UACA: variants seen among roughly 807,000 people sequenced by gnomAD.
UACA encodes uveal autoantigen with coiled-coil domains and ankyrin repeats.
Under a neutral mutation model 160.5 loss-of-function variants are expected in UACA, and 112 were observed. The ratio of observed to expected loss-of-function variants is 0.70; its 90% CI spans 0.60 to 0.82. The LOEUF (loss-of-function observed/expected upper bound fraction) is 0.82. Ranked by LOEUF, UACA falls within the 40% of genes least tolerant of loss-of-function variation. The probability of loss-of-function intolerance (pLI) is 0.00; values close to 1 mark genes in which losing one functional copy is unlikely to be tolerated. For missense variants in UACA, 1,574 were observed against 1,614.6 expected (o/e 0.97, Z 0.43); for synonymous variants, 557 against 568.4 (o/e 0.98, Z 0.29).
chr15:70,701,837 C>G (rs1898374109), intron 1 of UACA: 2 of 1,572,644 alleles, frequency 1.3e-6, no homozygotes, highest in African/African-American at 2.7e-5. Flanking sequence ...GAAAGTCTAA[C>G]CAAGAATCTT....
chr15:70,695,185 T>A, intron 2 of UACA, 80 bp from the exon 3 acceptor site: 3 of 903,466 alleles, frequency 3.3e-6, no homozygotes, highest in Non-Finnish European at 5.0e-6. Flanking sequence ...TCACCCTTTT[T>A]CAACACACAC....
chr15:70,718,945 TTTAG>T (rs1318021424), intron 1 of UACA, among the ~76,000 whole-genome samples: 1 of 151,996 alleles, frequency 6.6e-6, no homozygotes, highest in Non-Finnish European at 1.5e-5. Flanking sequence ...AAAGCTGAAC[TTTAG>T]TTGTCATTAA....
intron 1 of UACA, among the ~76,000 whole-genome samples, chr15:70,754,423 T>C (rs2030292157): frequency 6.6e-6 from 1 of 152,336 alleles, no homozygotes; most frequent in South Asian, 2.1e-4. Flanking sequence ...TTGTGTTAGA[T>C]GATTTTGCCC....
upstream of UACA, chr15:70,768,003 T>C (rs2031056905): frequency 6.6e-6 from 1 of 152,236 alleles, no homozygotes; most frequent in Non-Finnish European, 1.5e-5. Flanking sequence ...ATAGGTCATC[T>C]TCGGCACTAA....
intron 17 of UACA, chr15:70,661,159 A>G (rs1454716358): frequency 1.3e-5 from 2 of 152,088 alleles, no homozygotes; most frequent in Admixed American, 1.3e-4. Flanking sequence ...CCTTTCACCT[A>G]CCAAAATAGC....
At chr15:70,727,113 T>G (rs988509002) in intron 1 of UACA, among the ~76,000 whole-genome samples, 12 of 152,194 alleles carry the variant, frequency 7.9e-5, no homozygotes, top group Non-Finnish European at 1.5e-5. Context: ...ATATGCAGCT[T>G]TTTCTTAAGG....
intron 1 of UACA, among the ~76,000 whole-genome samples, chr15:70,729,217 C>T (rs979079008): frequency 1.3e-5 from 2 of 152,142 alleles, no homozygotes; most frequent in African/African-American, 2.4e-5. Context: ...AATCATTCCA[C>T]CCAAAAGACA....
rs745886307 is a variant in UACA, at chr15:70,690,155, CCTCT to C, written c.424+295_424+298del. ...CGCACACACATTCTCTCTCTGTTTC[CCTCT>C]CTCTCTCTCTCTCACACACACACAC... On this transcript the variant is annotated intron_variant, in intron 5 of 18. Coordinates refer to ENST00000322954, the MANE Select transcript of UACA (RefSeq NM_018003.4). 7.3e-5 allele frequency among the ~76,000 whole-genome samples: 11 copies of C among 149,684 alleles called. No individual in the cohort carries two copies. The East Asian group carries it at 1.2e-3, about 16-fold the overall frequency.
intron 1 of UACA, among the ~76,000 whole-genome samples, chr15:70,746,593 G>C (rs1899714668): frequency 6.6e-6 from 1 of 152,140 alleles, no homozygotes; most frequent in South Asian, 2.1e-4. Context: ...CAAGGATCTA[G>C]AACTAGAAAT....
intron 14 of UACA, 97 bp from the exon 15 acceptor site, chr15:70,671,188 A>AAG: frequency 2.4e-6 from 2 of 839,294 alleles, no homozygotes; most frequent in Non-Finnish European, 3.8e-6. Context: ...ATTCAAATAA[A>AAG]AGAGAAGCAA....
chr15:70,745,615 A>G (rs1006735669), intron 1 of UACA, among the ~76,000 whole-genome samples: 3 of 152,168 alleles, frequency 2.0e-5, no homozygotes, highest in Non-Finnish European at 4.4e-5. Flanking sequence ...AAACTACTTT[A>G]AATTTCATAT....
At chr15:70,676,277 A>T in intron 13 of UACA, 1 of 392,258 alleles carries the variant, frequency 2.5e-6, no homozygotes, top group Non-Finnish European at 4.6e-6. Flanking sequence ...ATTACATGCT[A>T]GTCAATTTAA....
At chr15:70,657,473 T>C (rs373683756) in intron 18 of UACA, among the ~76,000 whole-genome samples, 1 of 151,986 alleles carries the variant, frequency 6.6e-6, no homozygotes, top group African/African-American at 2.4e-5. Context: ...TAGACGGGTG[T>C]AATCCCAGCT....
intron 1 of UACA, 56 bp downstream of exon 1, chr15:70,763,274 G>C (rs552390521): frequency 1.5e-6 from 2 of 1,296,984 alleles, no homozygotes; most frequent in East Asian, 6.3e-5. Context: ...GCCAGCAAAG[G>C]AGGGCTGCGC....
chr15:70,703,300 C>A (rs917382439), intron 1 of UACA: 3 of 1,279,994 alleles, frequency 2.3e-6, no homozygotes, highest in African/African-American at 3.1e-5. Context: ...CATTCCAACA[C>A]AAGTGTTTAC....
intron 12 of UACA, 108 bp downstream of exon 12, chr15:70,677,000 G>C: frequency 1.2e-6 from 1 of 834,366 alleles, no homozygotes; most frequent in Non-Finnish European, 1.9e-6. Flanking sequence ...TTAATAACCA[G>C]AAATAGAATC....
At chr15:70,748,220 A>G (rs1899770209) in intron 1 of UACA, among the ~76,000 whole-genome samples, 2 of 152,194 alleles carry the variant, frequency 1.3e-5, no homozygotes, top group Admixed American at 1.3e-4. Context: ...TTCAATTCTT[A>G]GCTGTAAAGA....
the UACA span, among the ~76,000 whole-genome samples, chr15:70,776,059 A>C: frequency 8.6e-4 from 131 of 152,290 alleles, no homozygotes; most frequent in African/African-American, 3.1e-3. Flanking sequence ...TTTCTTTCAG[A>C]CTTGTCCCAC....
In UACA at chr15:70,668,472, T is replaced by C. The variant is rs995870019; in HGVS notation, c.2212A>G (p.Ile738Val). The C allele has an allele frequency of 3.7e-6, 6 of 1,612,384 alleles. No homozygotes were observed. The African/African-American group carries it at 8.0e-5, about 22-fold the overall frequency. The change falls in exon 16 of 19, where the codon ATT (isoleucine) becomes GTT (valine). Residue 738 changes from isoleucine (I) to valine (V), a missense_variant. Physicochemically the swap from Ile to Val is conservative, Grantham distance 29 (BLOSUM62 3). Coordinates refer to ENST00000322954, the MANE Select transcript of UACA (RefSeq NM_018003.4). The part of the protein sequence containing the change: ...LLKEQAHNLT[I>V]EMKNHYVPLK... ...GGAACATAATGATTTTTCATTTCAA[T>C]TGTTAAGTTATGTGCTTGCTCCTTG...
Sources: allele counts gnomAD v4.1 joint callset (sites outside exome capture counted in the v4.1 genomes callset), GRCh38; gene constraint gnomAD v4.1.1; transcripts MANE v1.5; gene names NCBI Gene and HGNC (gene_info 2026-07-23, HGNC 2026-07-21).